The following MGARP variants were observed in gnomAD, a reference collection of about 807,000 sequenced individuals.
MGARP encodes mitochondria localized glutamic acid rich protein, also known as protein MGARP.
A neutral mutation model predicts 11.0 loss-of-function variants in MGARP; 12 were observed. That is an observed-to-expected ratio of 1.09 (90% CI 0.70 to 1.77). The LOEUF is 1.77. MGARP is among the 40% of genes most tolerant of loss of function. The probability of loss-of-function intolerance (pLI) is 0.00; values close to 1 mark genes in which losing one functional copy is unlikely to be tolerated. For synonymous variants in MGARP, 110 were observed against 115.4 expected, an observed-to-expected ratio of 0.95 and a Z score of 0.30; for missense variants, 283 against 297.8, an observed-to-expected ratio of 0.95 and a Z score of 0.36.
chr4:139,278,952 C>A (rs1325275044), intron 1 of MGARP, among the ~76,000 whole-genome samples: 5 of 152,144 alleles, frequency 3.3e-5, no homozygotes, highest in Non-Finnish European at 7.3e-5. Context: ...CCAACAGAGG[C>A]CTAATCAACG....
intron 2 of MGARP, among the ~76,000 whole-genome samples, chr4:139,274,229 A>G (rs576331067): frequency 2.2e-4 from 34 of 152,298 alleles, no homozygotes; most frequent in Non-Finnish European, 4.4e-4. Context: ...ATATTGTAAT[A>G]TATTTGTAAA....
intron 2 of MGARP, among the ~76,000 whole-genome samples, chr4:139,270,433 C>T (rs1177615800): frequency 6.6e-6 from 1 of 150,488 alleles, no homozygotes; most frequent in Non-Finnish European, 1.5e-5. Context: ...CATGGTGAAA[C>T]CCCATCTCTA....
intron 2 of MGARP, among the ~76,000 whole-genome samples, chr4:139,272,435 T>C (rs1744797766): frequency 1.3e-5 from 2 of 151,256 alleles, no homozygotes; most frequent in African/African-American, 4.9e-5. Context: ...AGTGGGCACC[T>C]GTAGTCCCAG....
chr4:139,277,069 C>T (rs1034687725), intron 1 of MGARP, among the ~76,000 whole-genome samples: 1 of 152,108 alleles, frequency 6.6e-6, no homozygotes, highest in Non-Finnish European at 1.5e-5. Flanking sequence ...GTGTTAAGTA[C>T]TTACATGTGA....
chr4:139,266,590 G>C lies in MGARP; in HGVS notation c.*9C>G, dbSNP rs775038659. Reference sequence around the variant, plus strand: ...GGCATTTGTTGCTGAAATGTCTACCGGCTGGAGATTAGCCTTGAGCCGAAG... The same window carrying C: ...GGCATTTGTTGCTGAAATGTCTACCCGCTGGAGATTAGCCTTGAGCCGAAG... On this transcript the variant is annotated 3_prime_UTR_variant, in exon 4 of 4. Transcript: ENST00000398955. 4.4e-6 allele frequency: 7 copies of C among 1,607,606 alleles called. No individual in the cohort carries two copies. Among genetic ancestry groups the C allele is most frequent in the Non-Finnish European group, 5.1e-6 (6 of 1,176,820 alleles).
intron 1 of MGARP, among the ~76,000 whole-genome samples, chr4:139,278,219 C>A (rs1744901872): frequency 2.0e-5 from 3 of 152,024 alleles, no homozygotes; most frequent in African/African-American, 7.2e-5. Context: ...AAGAGTGAAA[C>A]TCTGTCTCAA....
rs564980341 is a variant in MGARP at position 139,273,451 on chromosome 4, G to A, written c.186+1838C>T. ...TTCCCCAGACTGGTCTCAAACTCCC[G>A]GACTCAAGCCTCCCAAAGTGCTGGG... On this transcript the variant is annotated intron_variant, in intron 2 of 3. Transcript: ENST00000398955. Among the ~76,000 whole-genome samples the A allele has an allele frequency of 9.3e-5, 14 of 150,980 alleles. No homozygotes were observed. In the East Asian group the frequency reaches 1.8e-3, roughly 19 times the overall value.
At chr4:139,269,961 T>C (rs1042569125) in intron 2 of MGARP, among the ~76,000 whole-genome samples, 4 of 152,172 alleles carry the variant, frequency 2.6e-5, no homozygotes, top group Non-Finnish European at 5.9e-5. Flanking sequence ...ACTACTTAAT[T>C]ACAAACAATT....
chr4:139,278,175 C>A (rs1315149454), intron 1 of MGARP, among the ~76,000 whole-genome samples: 2 of 151,980 alleles, frequency 1.3e-5, no homozygotes, highest in Non-Finnish European at 2.9e-5. Context: ...TGTGGTGAGC[C>A]GAGATCACGC....
chr4:139,266,796 T>C lies in MGARP; in HGVS notation c.526A>G (p.Thr176Ala), dbSNP rs748509039. Reference protein sequence around the residue: ...RETTEVNPETTPEVTNAALDE... With the variant: ...RETTEVNPETAPEVTNAALDE... ...AGGGCAGCATTTGTAACCTCTGGGG[T>C]TGTTTCAGGGTTTACTTCCGTGGTT... The change falls in exon 4 of 4, where the codon ACC (threonine) becomes GCC (alanine). Residue 176 changes from threonine to alanine, a missense_variant. Thr to Ala is a moderately conservative substitution (Grantham distance 58, BLOSUM62 0). Coordinates refer to ENST00000398955, the MANE Select transcript of MGARP (RefSeq NM_032623.4). 2.5e-6 allele frequency: 4 copies of C among 1,614,064 alleles called. No homozygotes were observed. Among genetic ancestry groups the C allele is most frequent in the Non-Finnish European group, 3.4e-6 (4 of 1,180,028 alleles).
chr4:139,276,265 A>G (rs1345032479), intron 1 of MGARP, among the ~76,000 whole-genome samples: 1 of 152,212 alleles, frequency 6.6e-6, no homozygotes. Context: ...ATAACCGTGA[A>G]CAAGACAGAT....
chr4:139,270,156 C>T lies in MGARP; in HGVS notation c.187-1391G>A, dbSNP rs540569493. On this transcript the variant is annotated intron_variant, in intron 2 of 3. Transcript: ENST00000398955. ...TCTCTACTAAAAATACAAAATTAGC[C>T]GGGCGTGGTGGCGCATGCCTGTAAT... 8.6e-5 allele frequency among the ~76,000 whole-genome samples: 13 copies of T among 151,784 alleles called. No individual in the cohort carries two copies. The South Asian group carries it at 2.5e-3, about 29-fold the overall frequency.
rs1273763013 is a variant in MGARP at position 139,270,213 on chromosome 4, T to A, written c.187-1448A>T. Among the ~76,000 whole-genome samples the A allele has an allele frequency of 3.4e-5, 5 of 147,148 alleles. No individual in the cohort carries two copies. In the Admixed American group the frequency reaches 3.5e-4, roughly 10 times the overall value. ...TACTCGGGAGGCTGAGGCAGGAGAA[T>A]CACTTGAACCCTGTAGGCAGAGGTT... On this transcript the variant is annotated intron_variant, in intron 2 of 3. Coordinates refer to ENST00000398955, the MANE Select transcript of MGARP (RefSeq NM_032623.4).
chr4:139,271,385 G>A (rs1157666243), intron 2 of MGARP, among the ~76,000 whole-genome samples: 1 of 152,104 alleles, frequency 6.6e-6, no homozygotes, highest in African/African-American at 2.4e-5. Flanking sequence ...AATTAGCCAG[G>A]CGTGGTGGCA....
chr4:139,278,630 G>A (rs756855427), intron 1 of MGARP, among the ~76,000 whole-genome samples: 2 of 152,120 alleles, frequency 1.3e-5, no homozygotes, highest in Non-Finnish European at 2.9e-5. Context: ...GCATGATGTC[G>A]GTGGGGAACG....
intron 2 of MGARP, among the ~76,000 whole-genome samples, chr4:139,271,654 T>C (rs889882778): frequency 2.0e-5 from 3 of 152,182 alleles, no homozygotes; most frequent in African/African-American, 7.2e-5. Flanking sequence ...AAAAATCTAA[T>C]ATAGAGATTA....
At chr4:139,268,801 G>A (rs1202343183) in intron 2 of MGARP, 36 bp from the exon 3 acceptor site, 1 of 1,511,686 alleles carries the variant, frequency 6.6e-7, no homozygotes, top group East Asian at 2.3e-5. Context: ...TATTTCTTGA[G>A]CTTTAAGATT....
chr4:139,280,017 C>G, intron 1 of MGARP, 60 bp downstream of exon 1: 1 of 1,577,078 alleles, frequency 6.3e-7, no homozygotes, highest in African/African-American at 1.4e-5. Context: ...TTCCCTGGCG[C>G]GGGCGAAATC....
At chr4:139,275,216 A>C in intron 2 of MGARP, 73 bp downstream of exon 2, 1 of 1,175,520 alleles carries the variant, frequency 8.5e-7, no homozygotes, top group East Asian at 2.3e-5. Flanking sequence ...CCTGATCTTG[A>C]CGTTGCTTTG....
Sources: gnomAD v4.1 joint callset for allele counts (sites outside exome capture counted in the v4.1 genomes callset) on GRCh38, gnomAD v4.1.1 for gene constraint, MANE v1.5 for transcripts, NCBI Gene and HGNC (gene_info 2026-07-23, HGNC 2026-07-21) for gene names.